SIPA1L3: variants seen among roughly 807,000 people sequenced by gnomAD.
SIPA1L3 encodes signal induced proliferation associated 1 like 3.
SIPA1L3 carries 59 observed loss-of-function variants against 150.1 expected under a neutral mutation model. The ratio of observed to expected loss-of-function variants is 0.39; its 90% confidence interval spans 0.32 to 0.49. The LOEUF is 0.49. Among genes scored for constraint, SIPA1L3 ranks in the 20% least tolerant of loss-of-function variants. The pLI, the probability that SIPA1L3 is intolerant of heterozygous loss-of-function variation, is 0.86. For missense variants in SIPA1L3, 2,211 were observed against 2,489.5 expected, an observed-to-expected ratio of 0.89 and a Z score of 2.38; for synonymous variants, 1,070 against 1,077.6, an observed-to-expected ratio of 0.99 and a Z score of 0.14.
At chr19:37,937,192 A>G (rs1312283571) in intron 1 of SIPA1L3, among the ~76,000 whole-genome samples, 3 of 152,274 alleles carry the variant, frequency 2.0e-5, no homozygotes, top group Non-Finnish European at 4.4e-5. Flanking sequence ...TGGCCTTTGG[A>G]CACACAGAAT....
At chr19:38,060,136 T>C (rs1318383975) in intron 2 of SIPA1L3, among the ~76,000 whole-genome samples, 1 of 152,232 alleles carries the variant, frequency 6.6e-6, no homozygotes, top group Non-Finnish European at 1.5e-5. Context: ...CCTGGCATTG[T>C]GAAAGCTGTG....
intron 1 of SIPA1L3, among the ~76,000 whole-genome samples, chr19:37,910,942 CGTGT>C (rs2046372475): frequency 6.6e-6 from 1 of 152,016 alleles, no homozygotes; most frequent in East Asian, 1.9e-4. Context: ...ACCTTTTGTG[CGTGT>C]GTGTATGTAT....
At chr19:37,956,550 C>T (rs2046813526) in intron 1 of SIPA1L3, among the ~76,000 whole-genome samples, 1 of 135,182 alleles carries the variant, frequency 7.4e-6, no homozygotes, top group Admixed American at 8.2e-5. Context: ...GTGGCACAAT[C>T]TCGGCTCACT....
At chr19:37,973,908 C>CG (rs577298692) in intron 1 of SIPA1L3, among the ~76,000 whole-genome samples, 39 of 152,216 alleles carry the variant, frequency 2.6e-4, no homozygotes, top group Non-Finnish European at 4.9e-4. Context: ...ACTCCACCCT[C>CG]GATCACCCAA....
intron 2 of SIPA1L3, among the ~76,000 whole-genome samples, chr19:38,076,868 G>A (rs2145811106): frequency 6.6e-6 from 1 of 152,270 alleles, no homozygotes; most frequent in South Asian, 2.1e-4. Flanking sequence ...ACCTTGCACT[G>A]TTTACAAAAT....
In SIPA1L3 at chr19:38,193,759, A is replaced by G. The variant is rs368637137; in HGVS notation, c.4819A>G (p.Ser1607Gly). 1.4e-4 allele frequency: 228 copies of G among 1,574,190 alleles called. No homozygotes were observed. The highest frequency in any genetic ancestry group is 6.7e-4 in the Middle Eastern group (3 of 4,482). Residue 1607 changes from serine (S) to glycine (G), a missense_variant, in exon 18 of 22, where the codon AGC becomes GGC. By Grantham distance (56) the Ser-to-Gly change is moderately conservative. Around this residue, in one of 5 missense-constraint regions of SIPA1L3, gnomAD observed 806 missense variants for 870.1 expected, o/e 0.93. Transcript: ENST00000222345. ...CCCCGGTGCCACCCCTGCCGCCGGC[A>G]GCGGCTTTCCCGAGAAGAAATGTGA... ...VGPGATPAAG[S>G]GFPEKKSTIS...
chr19:37,985,218 G>A (rs1007368059), intron 1 of SIPA1L3, among the ~76,000 whole-genome samples: 5 of 147,946 alleles, frequency 3.4e-5, no homozygotes, highest in African/African-American at 1.3e-4. Context: ...TTTTTTGAGT[G>A]TGGGTCTCTC....
chr19:38,168,470 A>G (rs1328618507), intron 15 of SIPA1L3, among the ~76,000 whole-genome samples: 4 of 152,092 alleles, frequency 2.6e-5, no homozygotes, highest in Non-Finnish European at 5.9e-5. Context: ...TCTCAAAAAA[A>G]TAAAAAATAA....
At chr19:37,982,710 C>T (rs142281491) in intron 1 of SIPA1L3, among the ~76,000 whole-genome samples, 34 of 152,320 alleles carry the variant, frequency 2.2e-4, no homozygotes, top group Middle Eastern at 3.4e-3. Flanking sequence ...TTTTGGAAGA[C>T]CCTGGCCTCC....
chr19:37,935,203 A>C (rs2046589940), intron 1 of SIPA1L3, among the ~76,000 whole-genome samples: 1 of 152,220 alleles, frequency 6.6e-6, no homozygotes. Flanking sequence ...TTTTATTATT[A>C]GAATAATTAA....
intron 8 of SIPA1L3, among the ~76,000 whole-genome samples, chr19:38,119,058 T>C (rs966228731): frequency 6.6e-6 from 1 of 151,960 alleles, no homozygotes; most frequent in Non-Finnish European, 1.5e-5. Context: ...TGGCTGGGCA[T>C]GGTGGTATAA....
chr19:37,909,078 C>G (rs557472757), intron 1 of SIPA1L3, among the ~76,000 whole-genome samples: 1 of 152,332 alleles, frequency 6.6e-6, no homozygotes, highest in South Asian at 2.1e-4. Flanking sequence ...GTTGCCTAAG[C>G]CAGAAACCTG....
chr19:38,038,920 G>A (rs1270640955), intron 2 of SIPA1L3, among the ~76,000 whole-genome samples: 1 of 151,968 alleles, frequency 6.6e-6, no homozygotes, highest in Non-Finnish European at 1.5e-5. Context: ...GTCTCACTTT[G>A]TCGCCCAGGC....
At chr19:38,123,265 TTTTTTTTG>T (rs1971068513) in intron 9 of SIPA1L3, among the ~76,000 whole-genome samples, 2 of 125,556 alleles carry the variant, frequency 1.6e-5, no homozygotes, top group African/African-American at 5.8e-5. Context: ...TTTTTTTTTG[TTTTTTTTG>T]TTTTTTTTTT....
At chr19:38,152,542 A>G (rs183609837) in intron 12 of SIPA1L3, among the ~76,000 whole-genome samples, 6 of 152,294 alleles carry the variant, frequency 3.9e-5, no homozygotes, top group African/African-American at 1.4e-4. Context: ...AGAGGAGCCC[A>G]GGGGTAGGGC....
intron 12 of SIPA1L3, among the ~76,000 whole-genome samples, chr19:38,147,499 T>C (rs1009191716): frequency 5.9e-5 from 9 of 152,212 alleles, no homozygotes; most frequent in East Asian, 5.8e-4. Flanking sequence ...TCTGGAAGTT[T>C]TACTCTTTTA....
At chr19:37,998,151 T>G (rs1220809186) in intron 1 of SIPA1L3, among the ~76,000 whole-genome samples, 1 of 152,152 alleles carries the variant, frequency 6.6e-6, no homozygotes, top group Non-Finnish European at 1.5e-5. Flanking sequence ...TAAATATTCT[T>G]TTGATGAGTG....
At chr19:38,115,110 A>G (rs946106007) in intron 8 of SIPA1L3, among the ~76,000 whole-genome samples, 5 of 152,234 alleles carry the variant, frequency 3.3e-5, no homozygotes, top group Non-Finnish European at 5.9e-5. Flanking sequence ...TAGCCAGAGC[A>G]GGAACCTTTA....
chr19:38,147,397 C>CT (rs1277045051), intron 12 of SIPA1L3, among the ~76,000 whole-genome samples: 3 of 151,936 alleles, frequency 2.0e-5, no homozygotes, highest in Admixed American at 6.6e-5. Flanking sequence ...CCCAAATTAT[C>CT]TTTTTTTTAT....
Sources: allele counts gnomAD v4.1 joint callset (sites outside exome capture counted in the v4.1 genomes callset), GRCh38; gene constraint gnomAD v4.1.1; regional missense constraint gnomAD v4.1.1; transcripts MANE v1.5; gene names NCBI Gene and HGNC (gene_info 2026-07-23, HGNC 2026-07-21).